TMEM132D: variants seen among roughly 807,000 people sequenced by gnomAD.
The protein encoded by TMEM132D is transmembrane protein 132D.
In TMEM132D, 21 loss-of-function variants were observed where a neutral mutation model predicts 62.3. The ratio of observed to expected loss-of-function variants is 0.34; its 90% CI spans 0.24 to 0.49. The LOEUF (loss-of-function observed/expected upper bound fraction) is 0.49, where lower values mean the gene tolerates loss of function less well. Ranked by LOEUF, TMEM132D falls within the 20% of genes least tolerant of loss-of-function variation. The probability of loss-of-function intolerance (pLI) is 0.99; values close to 1 mark genes in which losing one functional copy is unlikely to be tolerated. For missense variants in TMEM132D, 1,346 were observed against 1,402.8 expected (o/e 0.96, Z 0.65); for synonymous variants, 621 against 575.6 (o/e 1.08, Z -1.13).
At position 129,203,918 on chromosome 12, in the gene TMEM132D, G is replaced by T. The variant is rs988019296; in HGVS notation, c.1443+5602C>A. Among the ~76,000 whole-genome samples the T allele has an allele frequency of 3.4e-4, 52 of 152,208 alleles. 1 individual carries two copies. The highest frequency in any genetic ancestry group is 1.0e-3 in the African/African-American group (43 of 41,522). On this transcript the variant is annotated intron_variant, in intron 5 of 8. Coordinates refer to ENST00000422113, the MANE Select transcript of TMEM132D (RefSeq NM_133448.3). ...GGGCATGAAAACAGTAATCAGAGGG[G>T]GCTCCTCAGAGACCCAGGAGCAGAC...
Position 129,507,265 on chromosome 12 carries a change from A to G in TMEM132D, c.1115+23794T>C, listed in dbSNP as rs193120269. Among the ~76,000 whole-genome samples the G allele has an allele frequency of 3.9e-3, 601 of 152,334 alleles. 1 individual carries two copies. Among genetic ancestry groups the G allele is most frequent in the Non-Finnish European group, 6.9e-3 (469 of 68,030 alleles). ...GAATACTTCTACACTGCTGGTGGGA[A>G]TGTAAATTAGTACAAACACTATGCA... On this transcript the variant is annotated intron_variant, in intron 3 of 8. Transcript: ENST00000422113.
chr12:129,152,724 C>T (rs1877110187), intron 5 of TMEM132D, among the ~76,000 whole-genome samples: 1 of 152,142 alleles, frequency 6.6e-6, no homozygotes, highest in South Asian at 2.1e-4. Flanking sequence ...AGATTATTTC[C>T]TGGATGCCTG....
intron 1 of TMEM132D, among the ~76,000 whole-genome samples, chr12:129,740,122 T>C (rs1435530254): frequency 6.6e-6 from 1 of 152,166 alleles, no homozygotes; most frequent in Non-Finnish European, 1.5e-5. Context: ...GTAGTGACTA[T>C]TGACCACTCC....
intron 1 of TMEM132D, among the ~76,000 whole-genome samples, chr12:129,801,683 T>A (rs1253702008): frequency 1.4e-4 from 21 of 151,936 alleles, no homozygotes; most frequent in East Asian, 9.7e-4. Flanking sequence ...ACAAAGCTGG[T>A]TGGAGAATGA....
intron 5 of TMEM132D, among the ~76,000 whole-genome samples, chr12:129,174,542 T>G (rs915808780): frequency 6.6e-6 from 1 of 152,200 alleles, no homozygotes; most frequent in South Asian, 2.1e-4. Context: ...TTAACATACA[T>G]GTGCATGTGT....
At chr12:129,635,555 T>C (rs551576191) in intron 2 of TMEM132D, among the ~76,000 whole-genome samples, 3 of 152,200 alleles carry the variant, frequency 2.0e-5, no homozygotes, top group Non-Finnish European at 4.4e-5. Context: ...CCCCAGTGCA[T>C]GCCTTTACTC....
chr12:129,589,047 G>T (rs1375486132), intron 2 of TMEM132D, among the ~76,000 whole-genome samples: 1 of 151,930 alleles, frequency 6.6e-6, no homozygotes, highest in Non-Finnish European at 1.5e-5. Flanking sequence ...TTTTAAACAA[G>T]TAGGAGACAT....
At chr12:129,099,192 C>A (rs1875212046) in intron 5 of TMEM132D, among the ~76,000 whole-genome samples, 1 of 152,202 alleles carries the variant, frequency 6.6e-6, no homozygotes, top group African/African-American at 2.4e-5. Context: ...CTAAAATCAT[C>A]CACATTCTCC....
At chr12:129,390,730 C>A (rs1474427420) in intron 3 of TMEM132D, among the ~76,000 whole-genome samples, 1 of 152,136 alleles carries the variant, frequency 6.6e-6, no homozygotes, top group Non-Finnish European at 1.5e-5. Context: ...ACTCGCTCTG[C>A]CCTGTCCATG....
chr12:129,761,669 T>C (rs1870383238), intron 1 of TMEM132D, among the ~76,000 whole-genome samples: 1 of 152,180 alleles, frequency 6.6e-6, no homozygotes, highest in African/African-American at 2.4e-5. Flanking sequence ...AAGTATAACA[T>C]GTAAGTATTC....
At chr12:129,189,700 A>G (rs556268337) in intron 5 of TMEM132D, among the ~76,000 whole-genome samples, 1 of 152,308 alleles carries the variant, frequency 6.6e-6, no homozygotes, top group Admixed American at 6.5e-5. Context: ...GGAAGGGTTC[A>G]GGTGGCACAA....
intron 5 of TMEM132D, among the ~76,000 whole-genome samples, chr12:129,168,526 A>G (rs1877628536): frequency 6.6e-6 from 1 of 152,146 alleles, no homozygotes. Context: ...TATATAAGAC[A>G]TGCCTTTCAC....
At chr12:129,230,800 C>T (rs1227554780) in intron 4 of TMEM132D, among the ~76,000 whole-genome samples, 1 of 152,218 alleles carries the variant, frequency 6.6e-6, no homozygotes, top group Admixed American at 6.5e-5. Flanking sequence ...ATCTGCTCTG[C>T]TAACAGTATT....
chr12:129,580,700 C>T (rs1468224602), intron 2 of TMEM132D, among the ~76,000 whole-genome samples: 1 of 147,052 alleles, frequency 6.8e-6, no homozygotes, highest in African/African-American at 2.5e-5. Context: ...GATAATCCAT[C>T]TCAAAAATAA....
rs149055175 is a variant in TMEM132D at position 129,731,131 on chromosome 12, T to C, written c.80-30433A>G. 5.3e-3 allele frequency among the ~76,000 whole-genome samples: 806 copies of C among 152,132 alleles called. 4 individuals are homozygous for C. Among genetic ancestry groups the C allele is most frequent in the African/African-American group, 0.019 (776 of 41,500 alleles). On this transcript the variant is annotated intron_variant, in intron 1 of 8. Transcript: ENST00000422113. ...TTTCAATTGGTTTAGAGCTTTACCA[T>C]TCAGTCCACGGTAGAAGGTTTATAT...
At chr12:129,611,445 A>G (rs12821839) in intron 2 of TMEM132D, among the ~76,000 whole-genome samples, 2 of 152,102 alleles carry the variant, frequency 1.3e-5, no homozygotes, top group Non-Finnish European at 2.9e-5. Context: ...CTTGTCTACA[A>G]CTGAAATGGG....
intron 5 of TMEM132D, among the ~76,000 whole-genome samples, chr12:129,131,047 G>C (rs568676039): frequency 6.6e-6 from 1 of 152,058 alleles, no homozygotes; most frequent in Non-Finnish European, 1.5e-5. Context: ...TAACATCAGC[G>C]ACCCAAACAC....
intron 1 of TMEM132D, among the ~76,000 whole-genome samples, chr12:129,896,133 C>T (rs1268087718): frequency 7.8e-6 from 1 of 128,692 alleles, no homozygotes; most frequent in Non-Finnish European, 1.6e-5. Context: ...CTGCACCTGG[C>T]TCATTTTTTT....
chr12:129,338,919 TAGA>T (rs1367484850), intron 3 of TMEM132D, among the ~76,000 whole-genome samples: 3 of 151,410 alleles, frequency 2.0e-5, no homozygotes, highest in South Asian at 2.1e-4. Flanking sequence ...GATGGAAAAC[TAGA>T]AGATCAGGGG....
Sources: allele counts gnomAD v4.1 joint callset (sites outside exome capture counted in the v4.1 genomes callset), GRCh38; gene constraint gnomAD v4.1.1; transcripts MANE v1.5; gene names NCBI Gene and HGNC (gene_info 2026-07-23, HGNC 2026-07-21).